PIBF1: variants seen among roughly 807,000 people sequenced by gnomAD.
The protein encoded by PIBF1 is progesterone immunomodulatory binding factor 1.
PIBF1 carries 90 observed loss-of-function variants against 112.5 expected under a neutral mutation model. The observed-to-expected ratio is 0.80, with a 90% CI of 0.67 to 0.95. PIBF1 has a LOEUF of 0.95. PIBF1 is among the 40% of genes least tolerant of loss of function. The probability of loss-of-function intolerance (pLI) is 0.00; values close to 1 mark genes in which losing one functional copy is unlikely to be tolerated. For synonymous variants in PIBF1, 301 were observed against 288.6 expected (o/e 1.04, Z -0.44); for missense variants, 915 against 852.3 (o/e 1.07, Z -0.92).
chr13:72,979,422 T>C (rs1003386255), intron 16 of PIBF1, among the ~76,000 whole-genome samples: 3 of 152,204 alleles, frequency 2.0e-5, no homozygotes, highest in Admixed American at 2.0e-4. Context: ...GTATCTTTCA[T>C]CAGCCAAATG....
At chr13:72,899,196 C>A (rs1288081103) in intron 11 of PIBF1, among the ~76,000 whole-genome samples, 1 of 152,106 alleles carries the variant, frequency 6.6e-6, no homozygotes, top group Admixed American at 6.5e-5. Context: ...ACCAGACATT[C>A]AAAGAAGAAT....
chr13:72,952,888 G>A (rs893992973), intron 14 of PIBF1, among the ~76,000 whole-genome samples: 182 of 141,258 alleles, frequency 1.3e-3, no homozygotes, highest in Middle Eastern at 3.7e-3. Flanking sequence ...GTGCCCTTAA[G>A]AAAAAAAAAA....
At chr13:72,797,828 A>G (rs41286062) in intron 4 of PIBF1, 79 bp from the exon 5 acceptor site, 129,842 of 1,031,682 alleles carry the variant, frequency 0.13, 9,441 homozygotes, top group Middle Eastern at 0.17. Flanking sequence ...TTTATTACTG[A>G]TAAGTGAGAG....
intron 6 of PIBF1, 135 bp downstream of exon 6, chr13:72,822,117 G>T: frequency 1.4e-6 from 1 of 692,952 alleles, no homozygotes; most frequent in Non-Finnish European, 2.3e-6. Context: ...TGCAGTTTTG[G>T]CAGTTTGTTG....
chr13:72,871,813 AAC>A (rs1241732040), intron 10 of PIBF1, among the ~76,000 whole-genome samples: 22 of 152,326 alleles, frequency 1.4e-4, no homozygotes, highest in African/African-American at 4.6e-4. Context: ...CCCAACTAAT[AAC>A]ATAGTCATAA....
At chr13:72,856,265 C>A (rs2038417207) in intron 10 of PIBF1, among the ~76,000 whole-genome samples, 1 of 152,134 alleles carries the variant, frequency 6.6e-6, no homozygotes, top group African/African-American at 2.4e-5. Context: ...TGTTGTGAAA[C>A]TTTACTAACT....
intron 9 of PIBF1, among the ~76,000 whole-genome samples, chr13:72,845,942 T>C (rs2037854099): frequency 6.6e-6 from 1 of 152,148 alleles, no homozygotes; most frequent in Non-Finnish European, 1.5e-5. Flanking sequence ...TTACCATGCT[T>C]CACCTTACTA....
intron 16 of PIBF1, among the ~76,000 whole-genome samples, chr13:72,978,774 A>G (rs2043086146): frequency 6.6e-6 from 1 of 152,260 alleles, no homozygotes; most frequent in East Asian, 1.9e-4. Context: ...TAAATAAAAT[A>G]TAAACCTAAA....
intron 9 of PIBF1, among the ~76,000 whole-genome samples, chr13:72,839,310 G>A (rs148758524): frequency 7.9e-5 from 12 of 152,306 alleles, no homozygotes; most frequent in African/African-American, 2.9e-4. Flanking sequence ...ATGAGAACTC[G>A]TTAAGGATGT....
At chr13:72,908,507 G>C (rs765116576) in intron 11 of PIBF1, 24 bp from the exon 12 acceptor site, 6 of 1,550,766 alleles carry the variant, frequency 3.9e-6, no homozygotes, top group Non-Finnish European at 5.2e-6. Context: ...TTCTGCCTTT[G>C]TAATTCTTCT....
At chr13:72,874,401 A>G (rs2039304012) in intron 10 of PIBF1, among the ~76,000 whole-genome samples, 1 of 152,246 alleles carries the variant, frequency 6.6e-6, no homozygotes, top group South Asian at 2.1e-4. Flanking sequence ...CTACATAGCA[A>G]TAAAAAAGGA....
chr13:72,876,809 C>T (rs957607689), intron 10 of PIBF1, among the ~76,000 whole-genome samples: 5 of 152,100 alleles, frequency 3.3e-5, no homozygotes, highest in African/African-American at 1.2e-4. Context: ...TTACTAGTTC[C>T]AGTAGTTTTC....
rs768986561 is a variant in PIBF1, at chr13:72,973,578, T to G, written c.1965-13T>G. On this transcript the variant is annotated splice_polypyrimidine_tract_variant and intron_variant, in intron 15 of 17. Transcript: ENST00000326291. ...ACATAATGACTTTTTAAAACTGGGG[T>G]TTTTTTTTTCAGCAACTTAAATAAA... The G allele has an allele frequency of 3.2e-5, 44 of 1,365,550 alleles. No homozygotes were observed. Among genetic ancestry groups the G allele is most frequent in the Non-Finnish European group, 4.0e-5 (40 of 993,202 alleles). The allele number at this position is 1,365,550 out of a possible 1,614,324, so 84.6% of individuals were successfully genotyped here. A position where few individuals can be genotyped will look rare whatever the true frequency, so the allele number is the denominator to read the frequency against.
chr13:72,854,494 G>A (rs973084641), intron 10 of PIBF1, among the ~76,000 whole-genome samples: 1 of 152,148 alleles, frequency 6.6e-6, no homozygotes, highest in Non-Finnish European at 1.5e-5. Context: ...TGTCACAATA[G>A]ATTAGTTTTG....
Position 72,971,573 on chromosome 13 carries a change from T to A in PIBF1, c.1965-2018T>A, listed in dbSNP as rs537543215. Among the ~76,000 whole-genome samples, 367 of 152,362 alleles carry A rather than the reference T, an allele frequency of 2.4e-3. 1 individual carries two copies. Among genetic ancestry groups the A allele is most frequent in the Non-Finnish European group, 4.0e-3 (275 of 68,042 alleles). On this transcript the variant is annotated intron_variant, in intron 15 of 17. Coordinates refer to ENST00000326291, the MANE Select transcript of PIBF1 (RefSeq NM_006346.4). ...TGAGCTGCTTACCTTTATTGGCATT[T>A]AATTACTGTTTTACTCTGATGCCTA...
At chr13:73,011,227 C>T (rs1169566227) in intron 17 of PIBF1, among the ~76,000 whole-genome samples, 1 of 152,056 alleles carries the variant, frequency 6.6e-6, no homozygotes, top group Non-Finnish European at 1.5e-5. Context: ...TGTATCAGAG[C>T]AAAAAATCCC....
At chr13:72,874,191 C>T (rs2039295486) in intron 10 of PIBF1, among the ~76,000 whole-genome samples, 1 of 152,146 alleles carries the variant, frequency 6.6e-6, no homozygotes, top group South Asian at 2.1e-4. Context: ...AACAGTTTGA[C>T]AGTTTTTAAG....
chr13:72,850,069 G>A (rs1335262210), intron 9 of PIBF1, among the ~76,000 whole-genome samples: 1 of 152,192 alleles, frequency 6.6e-6, no homozygotes. Context: ...ATTAAATAAA[G>A]TATCTATTTC....
At chr13:72,862,084 G>A (rs997317756) in intron 10 of PIBF1, among the ~76,000 whole-genome samples, 6 of 151,916 alleles carry the variant, frequency 3.9e-5, no homozygotes, top group African/African-American at 1.4e-4. Context: ...GTGTGCCAAG[G>A]GAAGAAAACA....
Sources: gnomAD v4.1 joint callset for allele counts (sites outside exome capture counted in the v4.1 genomes callset) on GRCh38, gnomAD v4.1.1 for gene constraint, MANE v1.5 for transcripts, NCBI Gene and HGNC (gene_info 2026-07-23, HGNC 2026-07-21) for gene names.